Variants in CFTR observed in about 807,000 individuals in gnomAD.
CFTR encodes the protein CF transmembrane conductance regulator.
In CFTR, 181 loss-of-function variants were observed where a neutral mutation model predicts 171.6. That is an observed-to-expected ratio of 1.05 (90% CI 0.93 to 1.19). The LOEUF (loss-of-function observed/expected upper bound fraction) is 1.19, where lower values mean the gene tolerates loss of function less well. Ranked by LOEUF, CFTR falls within the 50% of genes most tolerant of loss-of-function variation. The pLI, the probability that CFTR is intolerant of heterozygous loss-of-function variation, is 0.00. For missense variants in CFTR, 1,968 were observed against 1,734.7 expected (o/e 1.13, Z -2.39); for synonymous variants, 583 against 608.0 (o/e 0.96, Z 0.60).
In CFTR at chr7:117,539,209, C is replaced by T. The variant is rs910154676; in HGVS notation, c.870-891C>T. On this transcript the variant is annotated intron_variant, in intron 7 of 26. Transcript: ENST00000003084. ...GGACCGAGCTGAAGGCAGTGTTGTCCTCTGCACTCCCTGTTTTCTGTCTGC... is the reference window on the plus strand; with the variant it reads ...GGACCGAGCTGAAGGCAGTGTTGTCTTCTGCACTCCCTGTTTTCTGTCTGC... 2.6e-5 allele frequency among the ~76,000 whole-genome samples: 4 copies of T among 152,110 alleles called. No individual in the cohort carries two copies. The East Asian group carries it at 5.8e-4, about 22-fold the overall frequency.
At chr7:117,552,069 T>C (rs542943952) in intron 10 of CFTR, among the ~76,000 whole-genome samples, 6 of 152,216 alleles carry the variant, frequency 3.9e-5, no homozygotes, top group Admixed American at 1.3e-4. Flanking sequence ...ATTGAATATA[T>C]ATATATACAC....
chr7:117,542,406 G>T (rs2115883843), intron 9 of CFTR, among the ~76,000 whole-genome samples: 1 of 152,206 alleles, frequency 6.6e-6, no homozygotes, highest in African/African-American at 2.4e-5. Flanking sequence ...AAATTAACTG[G>T]GCATGGTGGC....
chr7:117,483,082 G>C (rs1276614153), intron 1 of CFTR, among the ~76,000 whole-genome samples: 1 of 152,202 alleles, frequency 6.6e-6, no homozygotes, highest in Non-Finnish European at 1.5e-5. Context: ...GAGTTTAACA[G>C]TAAGATAATT....
chr7:117,592,222 A>G lies in CFTR; in HGVS notation c.2055A>G (p.Gln685=), dbSNP rs1457520634. 3.1e-6 allele frequency: 5 copies of G among 1,613,734 alleles called. No individual in the cohort carries two copies. The highest frequency in any genetic ancestry group is 2.2e-5 in the East Asian group (1 of 44,900). The change falls in exon 14 of 27, where the codon CAA becomes CAG. Residue 685 remains glutamine, a synonymous_variant. Transcript: ENST00000003084. ...TCTCCTGGACAGAAACAAAAAAACA[A>G]TCTTTTAAACAGACTGGAGAGTTTG... ...APVSWTETKK[Q]SFKQTGEFGE... is the part of the protein sequence containing the mutation.
At chr7:117,650,177 GT>G (rs1445510682) in intron 23 of CFTR, among the ~76,000 whole-genome samples, 12 of 152,280 alleles carry the variant, frequency 7.9e-5, no homozygotes, top group African/African-American at 2.6e-4. Flanking sequence ...AATTTCTGTT[GT>G]AGTGAATTGC....
Position 117,653,679 on chromosome 7 carries a change from A to G in CFTR, c.3963+748A>G, listed in dbSNP as rs535558262. 6.6e-5 allele frequency among the ~76,000 whole-genome samples: 10 copies of G among 152,318 alleles called. No individual in the cohort carries two copies. The South Asian group carries it at 2.1e-3, about 32-fold the overall frequency. ...ATTTCACTCCTGACCTCCAAAGTTC[A>G]TGTCTTCTTCACATGCAAAATACAT... On this transcript the variant is annotated intron_variant, in intron 24 of 26. Transcript: ENST00000003084.
chr7:117,523,958 C>T (rs1490986010), intron 3 of CFTR, among the ~76,000 whole-genome samples: 2 of 152,058 alleles, frequency 1.3e-5, no homozygotes, highest in Admixed American at 1.3e-4. Context: ...CTTTTTTTCT[C>T]AGAAGCTTCT....
At chr7:117,504,756 T>TAAAAA (rs372341779) in intron 2 of CFTR, among the ~76,000 whole-genome samples, 24 of 121,104 alleles carry the variant, frequency 2.0e-4, no homozygotes, top group Admixed American at 6.1e-4. Context: ...CCTCTCTCTC[T>TAAAAA]AAAAAAAAAA....
In CFTR at chr7:117,606,932, A is replaced by G. The variant is rs989542290; in HGVS notation, c.2988+179A>G. Among the ~76,000 whole-genome samples the G allele has an allele frequency of 5.9e-5, 9 of 152,322 alleles. No homozygotes were observed. The East Asian group carries it at 1.5e-3, about 26-fold the overall frequency. ...CATAAGTTTAGTAAATTCAATAATA[A>G]GTCAGAACTGCTTACCTGGCCCAAA... On this transcript the variant is annotated intron_variant, in intron 18 of 26. Transcript: ENST00000003084.
chr7:117,572,025 G>A (rs1011069767), intron 11 of CFTR, among the ~76,000 whole-genome samples: 5 of 151,702 alleles, frequency 3.3e-5, no homozygotes, highest in African/African-American at 7.3e-5. Flanking sequence ...TTTTTGAGAC[G>A]GAGTCCTGCT....
At chr7:117,634,518 T>A (rs1179910865) in intron 22 of CFTR, among the ~76,000 whole-genome samples, 1 of 152,106 alleles carries the variant, frequency 6.6e-6, no homozygotes, top group Non-Finnish European at 1.5e-5. Context: ...TTTAATTTGA[T>A]CTTCTTTTGC....
At chr7:117,603,404 A>G in intron 16 of CFTR, 128 bp from the exon 17 acceptor site, 1 of 919,362 alleles carries the variant, frequency 1.1e-6, no homozygotes, top group Non-Finnish European at 1.7e-6. Context: ...TTTTGAGGTT[A>G]AGGGTGCATG....
intron 3 of CFTR, among the ~76,000 whole-genome samples, chr7:117,512,651 A>T (rs1210386142): frequency 1.3e-5 from 2 of 151,538 alleles, no homozygotes; most frequent in Admixed American, 1.3e-4. Context: ...AAAAAAAAAA[A>T]AAAGACTCCT....
At chr7:117,605,928 A>G (rs76927122) in intron 17 of CFTR, among the ~76,000 whole-genome samples, 3,222 of 152,278 alleles carry the variant, frequency 0.021, 126 homozygotes, top group African/African-American at 0.074. Context: ...GTACAGTATT[A>G]TGTTACATTT....
At chr7:117,495,926 GA>G (rs1231467381) in intron 1 of CFTR, among the ~76,000 whole-genome samples, 1 of 152,100 alleles carries the variant, frequency 6.6e-6, no homozygotes, top group Non-Finnish European at 1.5e-5. Flanking sequence ...ACAATCCAAT[GA>G]TTTTTTAGTA....
chr7:117,617,479 A>G (rs1380571228), intron 21 of CFTR, among the ~76,000 whole-genome samples: 1 of 152,088 alleles, frequency 6.6e-6, no homozygotes, highest in East Asian at 1.9e-4. Context: ...TCCTTATTAT[A>G]TTCCCTAAGA....
chr7:117,522,167 T>A (rs1403062872), intron 3 of CFTR, among the ~76,000 whole-genome samples: 2 of 152,194 alleles, frequency 1.3e-5, no homozygotes, highest in Non-Finnish European at 1.5e-5. Context: ...ACCCAGATGA[T>A]CTTCTGAACT....
chr7:117,546,839 C>T (rs1278403030), intron 9 of CFTR, among the ~76,000 whole-genome samples: 2 of 152,174 alleles, frequency 1.3e-5, no homozygotes, highest in Non-Finnish European at 2.9e-5. Context: ...TCCTGGAACA[C>T]CTATAACCAT....
intron 23 of CFTR, among the ~76,000 whole-genome samples, chr7:117,644,391 T>C (rs1263195249): frequency 6.6e-6 from 1 of 151,856 alleles, no homozygotes; most frequent in East Asian, 1.9e-4. Flanking sequence ...TCAAATTAAG[T>C]AATTTTATCC....
Sources: gnomAD v4.1 joint callset for allele counts (sites outside exome capture counted in the v4.1 genomes callset) on GRCh38, gnomAD v4.1.1 for gene constraint, MANE v1.5 for transcripts, NCBI Gene and HGNC (gene_info 2026-07-23, HGNC 2026-07-21) for gene names.